Variants in LY96 observed in about 807,000 individuals in gnomAD.
The protein encoded by LY96 is lymphocyte antigen 96.
A neutral mutation model predicts 18.9 loss-of-function variants in LY96; 18 were observed. The observed-to-expected ratio is 0.95, with a 90% CI of 0.66 to 1.41. The LOEUF (loss-of-function observed/expected upper bound fraction) is 1.41. Ranked by LOEUF, LY96 falls within the 40% of genes most tolerant of loss-of-function variation. LY96 has a pLI of 0.00. For synonymous variants in LY96, 66 were observed against 62.6 expected, an observed-to-expected ratio of 1.06 and a Z score of -0.26; for missense variants, 175 against 182.4, an observed-to-expected ratio of 0.96 and a Z score of 0.23.
At chr8:74,072,209 A>C in the LY96 span, among the ~76,000 whole-genome samples, 1 of 152,192 alleles carries the variant, frequency 6.6e-6, no homozygotes, top group African/African-American at 2.4e-5. Context: ...ATTTATTTTG[A>C]ATTAAAGCTG....
intron 3 of LY96, among the ~76,000 whole-genome samples, chr8:74,012,861 T>C (rs1816557518): frequency 6.6e-6 from 1 of 152,044 alleles, no homozygotes; most frequent in African/African-American, 2.4e-5. Context: ...AAAAGGTGTA[T>C]GTAAATAACA....
At chr8:74,073,295 T>C in the LY96 span, among the ~76,000 whole-genome samples, 1 of 152,170 alleles carries the variant, frequency 6.6e-6, no homozygotes, top group African/African-American at 2.4e-5. Flanking sequence ...CTTCCTGCCA[T>C]CAGGTGAGTC....
chr8:73,993,187 G>A (rs1007145204), intron 1 of LY96, among the ~76,000 whole-genome samples: 1 of 151,888 alleles, frequency 6.6e-6, no homozygotes, highest in African/African-American at 2.4e-5. Flanking sequence ...TGGTTTTTAT[G>A]GATGTAACAT....
the LY96 span, among the ~76,000 whole-genome samples, chr8:74,035,284 C>T: frequency 6.6e-6 from 1 of 151,972 alleles, no homozygotes; most frequent in East Asian, 1.9e-4. Flanking sequence ...CTTCAATTGG[C>T]TATAAGTCTT....
the LY96 span, among the ~76,000 whole-genome samples, chr8:74,040,179 G>C: frequency 9.8e-5 from 15 of 152,328 alleles, no homozygotes; most frequent in South Asian, 3.1e-3. Context: ...AATATTAAAA[G>C]CTAATGATTA....
the LY96 span, chr8:74,079,698 G>C: frequency 6.6e-6 from 1 of 152,046 alleles, no homozygotes; most frequent in African/African-American, 2.4e-5. Flanking sequence ...TTATGAAAGA[G>C]AGTGGATTTT....
chr8:74,020,376 C>G lies in LY96; in HGVS notation c.332-6413C>G, dbSNP rs555735465. On this transcript the variant is annotated intron_variant, in intron 3 of 4. Transcript: ENST00000284818. ...CCAACTTACAAGGGTTGTAAAGGAC[C>G]TCTTCAAGGAGAATTACAAACCACT... is the stretch of plus-strand genomic sequence containing the variant. Among the ~76,000 whole-genome samples the G allele has an allele frequency of 4.6e-5, 7 of 152,206 alleles. 1 individual carries two copies. The highest frequency in any genetic ancestry group is 1.7e-4 in the African/African-American group (7 of 41,524).
the LY96 span, among the ~76,000 whole-genome samples, chr8:74,061,727 C>A: frequency 6.6e-6 from 1 of 152,134 alleles, no homozygotes; most frequent in East Asian, 1.9e-4. Context: ...TCAGGTAAAA[C>A]CTTAGTTGTG....
the LY96 span, among the ~76,000 whole-genome samples, chr8:74,082,385 T>G: frequency 1.3e-5 from 2 of 152,232 alleles, no homozygotes. Flanking sequence ...ATGACTGTGG[T>G]CATGTCCACG....
At chr8:74,034,472 T>G in the LY96 span, among the ~76,000 whole-genome samples, 4 of 152,174 alleles carry the variant, frequency 2.6e-5, no homozygotes, top group Non-Finnish European at 5.9e-5. Context: ...CCAACTTTTG[T>G]TTTTGAGTGC....
At chr8:74,030,137 A>G (rs922126102), downstream of LY96, among the ~76,000 whole-genome samples, 24 of 152,192 alleles carry the variant, frequency 1.6e-4, no homozygotes, top group African/African-American at 5.1e-4. Context: ...TGCCCTGAAT[A>G]TATACTCCAT....
At chr8:74,001,161 T>C (rs2131258054) in intron 1 of LY96, among the ~76,000 whole-genome samples, 1 of 151,648 alleles carries the variant, frequency 6.6e-6, no homozygotes, top group East Asian at 1.9e-4. Flanking sequence ...ATATAACAAC[T>C]CTACACTTTA....
intron 1 of LY96, among the ~76,000 whole-genome samples, chr8:73,999,233 G>GT (rs1267542716): frequency 6.6e-6 from 1 of 152,058 alleles, no homozygotes. Context: ...GCCTCCCAAA[G>GT]TGTTGGGATT....
chr8:74,015,459 T>C (rs2131273462), intron 3 of LY96, among the ~76,000 whole-genome samples: 1 of 152,304 alleles, frequency 6.6e-6, no homozygotes, highest in Non-Finnish European at 1.5e-5. Context: ...ATCTTCTTCC[T>C]GGGTCCTTTC....
At chr8:74,053,420 C>T in the LY96 span, among the ~76,000 whole-genome samples, 6 of 152,118 alleles carry the variant, frequency 3.9e-5, no homozygotes, top group African/African-American at 1.4e-4. Flanking sequence ...TTCTAAATTC[C>T]CATCTTCCCC....
At chr8:74,042,781 C>CTT in the LY96 span, among the ~76,000 whole-genome samples, 3 of 142,946 alleles carry the variant, frequency 2.1e-5, no homozygotes, top group Middle Eastern at 7.3e-3. Flanking sequence ...GTTTTGTTAC[C>CTT]TTTTTTTTTT....
chr8:74,039,467 TA>T, the LY96 span, among the ~76,000 whole-genome samples: 4 of 152,156 alleles, frequency 2.6e-5, no homozygotes, highest in East Asian at 7.7e-4. Context: ...AACAAAGAGA[TA>T]AAGAGAAAAC....
At chr8:74,004,684 C>T in intron 1 of LY96, 112 bp from the exon 2 acceptor site, 1 of 1,028,302 alleles carries the variant, frequency 9.7e-7, no homozygotes, top group Admixed American at 2.7e-5. Context: ...ATCAATTTTT[C>T]TTATTTTATA....
chr8:74,028,580 A>G (rs969584473), intron 4 of LY96, among the ~76,000 whole-genome samples: 2 of 152,192 alleles, frequency 1.3e-5, no homozygotes, highest in Non-Finnish European at 2.9e-5. Flanking sequence ...TGCTGCCTCA[A>G]TGAATAATAC....
Sources: gnomAD v4.1 joint callset for allele counts (sites outside exome capture counted in the v4.1 genomes callset) on GRCh38, gnomAD v4.1.1 for gene constraint, MANE v1.5 for transcripts, NCBI Gene and HGNC (gene_info 2026-07-23, HGNC 2026-07-21) for gene names.